WDR59: variants seen among roughly 807,000 people sequenced by gnomAD.
The protein encoded by WDR59 is GATOR2 complex protein WDR59.
WDR59 carries 100 observed loss-of-function variants against 131.2 expected under a neutral mutation model. The ratio of observed to expected loss-of-function variants is 0.76; its 90% CI spans 0.65 to 0.90. WDR59 has a LOEUF of 0.90. Ranked by LOEUF, WDR59 falls within the 40% of genes least tolerant of loss-of-function variation. The pLI is 0.00. For missense variants in WDR59, 1,203 were observed against 1,262.2 expected (o/e 0.95, Z 0.71); for synonymous variants, 601 against 466.2 (o/e 1.29, Z -3.72).
intron 25 of WDR59, among the ~76,000 whole-genome samples, chr16:74,875,446 TTC>T (rs1964169936): frequency 6.6e-6 from 1 of 152,178 alleles, no homozygotes; most frequent in African/African-American, 2.4e-5. Context: ...TTTCCCCCTT[TTC>T]TCTGTGTCAT....
intron 7 of WDR59, among the ~76,000 whole-genome samples, chr16:74,939,724 C>T (rs768662505): frequency 3.9e-5 from 6 of 152,214 alleles, no homozygotes; most frequent in South Asian, 2.1e-4. Flanking sequence ...TGGAGTGGCT[C>T]ACACCTATAA....
At chr16:74,941,265 C>G (rs1163089764) in intron 7 of WDR59, among the ~76,000 whole-genome samples, 1 of 146,638 alleles carries the variant, frequency 6.8e-6, no homozygotes, top group Non-Finnish European at 1.5e-5. Context: ...AGCTTGAGCC[C>G]AAGAGGTCGA....
chr16:74,894,292 A>C (rs1295825427), intron 18 of WDR59, among the ~76,000 whole-genome samples: 1 of 152,194 alleles, frequency 6.6e-6, no homozygotes, highest in Non-Finnish European at 1.5e-5. Context: ...ATATGGTAGG[A>C]AAACAGAGAA....
chr16:74,942,632 C>T (rs1206285412), intron 7 of WDR59, 106 bp downstream of exon 7: 11 of 1,047,838 alleles, frequency 1.0e-5, no homozygotes, highest in Non-Finnish European at 1.6e-5. Context: ...CCATGCTGCA[C>T]AGGGTTCCCC....
intron 7 of WDR59, among the ~76,000 whole-genome samples, chr16:74,940,951 G>T (rs551391866): frequency 6.6e-6 from 1 of 151,924 alleles, no homozygotes; most frequent in Non-Finnish European, 1.5e-5. Flanking sequence ...TGATCCACCC[G>T]CCTCAGCCTC....
At chr16:74,929,206 C>T (rs1160831620) in intron 8 of WDR59, among the ~76,000 whole-genome samples, 1 of 152,200 alleles carries the variant, frequency 6.6e-6, no homozygotes, top group Non-Finnish European at 1.5e-5. Flanking sequence ...TTCCGAATAG[C>T]TGGGACTACA....
Position 74,964,946 on chromosome 16 carries a change from C to A in WDR59, c.104+827G>T, listed in dbSNP as rs375042994. Among the ~76,000 whole-genome samples the A allele has an allele frequency of 1.4e-4, 21 of 152,224 alleles. 3 individuals are homozygous for A. The highest frequency in any genetic ancestry group is 7.8e-4 in the East Asian group (4 of 5,158). ...GGGCGTGGTGGCACGTGCCTATAATCCCAGCTACCTGGGAAGCTGAGGCAG... is the reference window on the plus strand; with the variant it reads ...GGGCGTGGTGGCACGTGCCTATAATACCAGCTACCTGGGAAGCTGAGGCAG... On this transcript the variant is annotated intron_variant, in intron 2 of 25. Transcript: ENST00000262144.
chr16:74,976,429 CT>C (rs1299083963), intron 1 of WDR59, among the ~76,000 whole-genome samples: 3 of 148,848 alleles, frequency 2.0e-5, no homozygotes, highest in African/African-American at 7.4e-5. Context: ...GAACGTTTTT[CT>C]TTTTCTTTTC....
At chr16:74,951,892 G>A (rs958178341) in intron 3 of WDR59, among the ~76,000 whole-genome samples, 2 of 152,066 alleles carry the variant, frequency 1.3e-5, no homozygotes, top group East Asian at 1.9e-4. Context: ...TCCCTCTGAA[G>A]GTCACACACT....
chr16:74,941,530 TA>T (rs1313767471), intron 7 of WDR59, among the ~76,000 whole-genome samples: 1 of 151,090 alleles, frequency 6.6e-6, no homozygotes, highest in Non-Finnish European at 1.5e-5. Flanking sequence ...CCATCTCTAC[TA>T]AAAAATACAA....
chr16:74,908,520 T>C (rs941370843), intron 17 of WDR59, among the ~76,000 whole-genome samples: 1 of 152,246 alleles, frequency 6.6e-6, no homozygotes, highest in Non-Finnish European at 1.5e-5. Flanking sequence ...AGAAGTGGCA[T>C]ATTAGTGCTG....
chr16:74,952,445 C>CCAAAA (rs2033056548), intron 3 of WDR59, among the ~76,000 whole-genome samples: 1 of 62,718 alleles, frequency 1.6e-5, no homozygotes, highest in African/African-American at 5.2e-5. Flanking sequence ...CCATCTCAAA[C>CCAAAA]AAAAAAAAAA....
At chr16:74,889,195 T>C (rs1299512829) in intron 21 of WDR59, among the ~76,000 whole-genome samples, 1 of 152,248 alleles carries the variant, frequency 6.6e-6, no homozygotes, top group African/African-American at 2.4e-5. Flanking sequence ...CAAGTGGTTT[T>C]ACTTGGTGTT....
intron 18 of WDR59, among the ~76,000 whole-genome samples, chr16:74,900,834 C>G (rs796272193): frequency 7.9e-5 from 12 of 152,328 alleles, no homozygotes; most frequent in African/African-American, 2.9e-4. Context: ...ATACACTACA[C>G]TGGGCCGGGT....
At position 74,929,032 on chromosome 16, in the gene WDR59, A is replaced by C. The variant is rs531551218; in HGVS notation, c.652-5029T>G. ...CAACTCAATAGGAAAAAAATCTAAT[A>C]ATCCAATTAAAACATGGGCAAAAGA... On this transcript the variant is annotated intron_variant, in intron 8 of 25. Transcript: ENST00000262144. Among the ~76,000 whole-genome samples, 20 of 152,318 alleles carry C rather than the reference A, an allele frequency of 1.3e-4. No homozygotes were observed. The East Asian group carries it at 3.9e-3, about 29-fold the overall frequency.
intron 8 of WDR59, among the ~76,000 whole-genome samples, chr16:74,926,826 T>TA (rs1298725647): frequency 1.3e-5 from 2 of 152,212 alleles, no homozygotes; most frequent in Non-Finnish European, 2.9e-5. Context: ...CTGAAAAATT[T>TA]AGAGTTCGAA....
rs112428183 is a variant in WDR59 at position 74,898,766 on chromosome 16, G to A, written c.1867-4954C>T. 9.4e-4 allele frequency among the ~76,000 whole-genome samples: 143 copies of A among 152,338 alleles called. 1 individual carries two copies. The highest frequency in any genetic ancestry group is 3.2e-3 in the African/African-American group (133 of 41,578). ...ATGCATAATCCGCAGAGCGGGCAGG[G>A]AGTCTAAATGAGTCCCTATTTAAAT... On this transcript the variant is annotated intron_variant, in intron 18 of 25. Transcript: ENST00000262144.
rs28611307 is a variant in WDR59, at chr16:74,959,808, C to T, written c.105-3198G>A. 3.4e-5 allele frequency among the ~76,000 whole-genome samples: 5 copies of T among 149,106 alleles called. No homozygotes were observed. In the South Asian group the frequency reaches 1.1e-3, roughly 32 times the overall value. On this transcript the variant is annotated intron_variant, in intron 2 of 25. Transcript: ENST00000262144. Reference sequence around the variant, plus strand: ...AGAAAAAACTCCTCCCTTGCCTCCCCACCGCCCTCCAAAATAATAACAATA... The same window carrying T: ...AGAAAAAACTCCTCCCTTGCCTCCCTACCGCCCTCCAAAATAATAACAATA...
chr16:74,941,300 T>C (rs1220499332), intron 7 of WDR59, among the ~76,000 whole-genome samples: 1 of 141,950 alleles, frequency 7.0e-6, no homozygotes, highest in African/African-American at 2.6e-5. Flanking sequence ...ATAGTTACAC[T>C]ACTACACTCC....
Sources: allele counts gnomAD v4.1 joint callset (sites outside exome capture counted in the v4.1 genomes callset), GRCh38; gene constraint gnomAD v4.1.1; transcripts MANE v1.5; gene names NCBI Gene and HGNC (gene_info 2026-07-23, HGNC 2026-07-21).